GALNT13: variants seen among roughly 807,000 people sequenced by gnomAD.
The protein encoded by GALNT13 is UDP-GalNAc:polypeptide N-acetylgalactosaminyltransferase 13.
In GALNT13, 28 loss-of-function variants were observed where a neutral mutation model predicts 64.2. The ratio of observed to expected loss-of-function variants is 0.44; its 90% CI spans 0.32 to 0.60. The LOEUF is 0.60. GALNT13 is among the 20% of genes least tolerant of loss of function. The pLI, the probability that GALNT13 is intolerant of heterozygous loss-of-function variation, is 0.05. For synonymous variants in GALNT13, 214 were observed against 224.6 expected (o/e 0.95, Z 0.42); for missense variants, 577 against 669.8 (o/e 0.86, Z 1.53).
At chr2:154,072,605 G>T (rs2105393229) in intron 3 of GALNT13, among the ~76,000 whole-genome samples, 1 of 151,994 alleles carries the variant, frequency 6.6e-6, no homozygotes, top group African/African-American at 2.4e-5. Flanking sequence ...TTTACAGTGT[G>T]TCACCCAAAA....
chr2:154,079,321 G>A (rs957870729), intron 3 of GALNT13, among the ~76,000 whole-genome samples: 1 of 151,632 alleles, frequency 6.6e-6, no homozygotes, highest in Non-Finnish European at 1.5e-5. Flanking sequence ...AAAACAATAT[G>A]AAGATAAATA....
the GALNT13 span, among the ~76,000 whole-genome samples, chr2:153,788,820 A>T: frequency 6.6e-6 from 1 of 152,116 alleles, no homozygotes; most frequent in Non-Finnish European, 1.5e-5. Flanking sequence ...GACAAAACAG[A>T]CTTTAAACTA....
chr2:153,681,509 A>T, the GALNT13 span, among the ~76,000 whole-genome samples: 1 of 151,722 alleles, frequency 6.6e-6, no homozygotes, highest in South Asian at 2.1e-4. Context: ...TTATCTCCCC[A>T]CTCTCTATCA....
the GALNT13 span, among the ~76,000 whole-genome samples, chr2:153,258,369 A>AAAAAC: frequency 0.012 from 1,826 of 147,130 alleles, 18 homozygotes; most frequent in East Asian, 0.026. Context: ...CTGGTCTCCC[A>AAAAAC]AAAACAAAAC....
rs745347621 is a variant in GALNT13 at position 153,958,670 on chromosome 2, T to G, written c.142+14031T>G. On this transcript the variant is annotated intron_variant, in intron 3 of 12. Coordinates refer to ENST00000392825, the MANE Select transcript of GALNT13 (RefSeq NM_052917.4). ...CTAAGTTTAGTAAATGCCAAGTTGC[T>G]TTTTCCCTTTTACATTCCCACTTTT... is the stretch of plus-strand genomic sequence containing the variant. 2.0e-5 allele frequency among the ~76,000 whole-genome samples: 3 copies of G among 152,140 alleles called. No homozygotes were observed. The East Asian group carries it at 5.8e-4, about 29-fold the overall frequency.
intron 3 of GALNT13, among the ~76,000 whole-genome samples, chr2:153,983,418 T>C (rs1694599932): frequency 6.6e-6 from 1 of 151,908 alleles, no homozygotes; most frequent in Admixed American, 6.6e-5. Context: ...TTATAAACTC[T>C]TTAAGTATTA....
chr2:154,271,662 G>C (rs762569355), intron 8 of GALNT13, among the ~76,000 whole-genome samples: 1 of 151,840 alleles, frequency 6.6e-6, no homozygotes, highest in Non-Finnish European at 1.5e-5. Flanking sequence ...AGCATATACT[G>C]TATTGGTAAA....
At chr2:153,535,269 G>A in the GALNT13 span, among the ~76,000 whole-genome samples, 1 of 152,168 alleles carries the variant, frequency 6.6e-6, no homozygotes, top group East Asian at 1.9e-4. Flanking sequence ...AGGTATAAAA[G>A]GTCTAAGAAT....
At chr2:153,181,941 A>G in the GALNT13 span, among the ~76,000 whole-genome samples, 1 of 149,622 alleles carries the variant, frequency 6.7e-6, no homozygotes, top group Non-Finnish European at 1.5e-5. Flanking sequence ...ATAATATACA[A>G]ATGGTAATTT....
rs143403482 is a variant in GALNT13 at position 154,014,455 on chromosome 2, G to C, written c.142+69816G>C. 6.4e-3 allele frequency among the ~76,000 whole-genome samples: 975 copies of C among 151,794 alleles called. 8 individuals carry two copies. The highest frequency in any genetic ancestry group is 0.022 in the African/African-American group (902 of 41,342). ...GGATTTCCAGATTCCTCCCGCTTCAGTCCAGTATCTTCATCCTCCTTCCGT... is the reference window on the plus strand; with the variant it reads ...GGATTTCCAGATTCCTCCCGCTTCACTCCAGTATCTTCATCCTCCTTCCGT... On this transcript the variant is annotated intron_variant, in intron 3 of 12. Coordinates refer to ENST00000392825, the MANE Select transcript of GALNT13 (RefSeq NM_052917.4).
intron 3 of GALNT13, among the ~76,000 whole-genome samples, chr2:154,008,730 A>G (rs1221901718): frequency 6.6e-6 from 1 of 152,174 alleles, no homozygotes. Context: ...AATGGCCTCT[A>G]GTTCCATCCA....
chr2:153,544,939 G>A, the GALNT13 span, among the ~76,000 whole-genome samples: 2 of 152,192 alleles, frequency 1.3e-5, no homozygotes, highest in African/African-American at 2.4e-5. Flanking sequence ...TCTTCCAACA[G>A]CTTAAGAGCA....
intron 9 of GALNT13, among the ~76,000 whole-genome samples, chr2:154,320,668 C>T (rs1307987959): frequency 6.6e-6 from 1 of 152,154 alleles, no homozygotes; most frequent in Admixed American, 6.5e-5. Flanking sequence ...CTGACCTTCT[C>T]CATTCTCACA....
At chr2:153,479,733 T>G in the GALNT13 span, among the ~76,000 whole-genome samples, 1 of 152,334 alleles carries the variant, frequency 6.6e-6, no homozygotes, top group African/African-American at 2.4e-5. Context: ...TTCCATAAGC[T>G]GATGTATTTC....
At chr2:153,851,152 A>G in the GALNT13 span, among the ~76,000 whole-genome samples, 1 of 152,202 alleles carries the variant, frequency 6.6e-6, no homozygotes, top group Non-Finnish European at 1.5e-5. Context: ...TCTCAAATGT[A>G]TCTAGAAAAA....
the GALNT13 span, among the ~76,000 whole-genome samples, chr2:153,592,677 C>T: frequency 6.6e-6 from 1 of 152,144 alleles, no homozygotes. Flanking sequence ...GAATTATAGA[C>T]AATGGATAAG....
intron 8 of GALNT13, among the ~76,000 whole-genome samples, chr2:154,300,393 G>A (rs948271166): frequency 3.3e-5 from 5 of 151,946 alleles, no homozygotes; most frequent in African/African-American, 9.7e-5. Flanking sequence ...GTGAGCCACC[G>A]CACCTGGCCA....
the GALNT13 span, among the ~76,000 whole-genome samples, chr2:153,535,378 A>G: frequency 0.55 from 80,510 of 145,222 alleles, 24,047 homozygotes; most frequent in African/African-American, 0.83. Flanking sequence ...TAAGAGTGGC[A>G]GTTTGGGGAT....
At chr2:153,072,411 C>T in the GALNT13 span, among the ~76,000 whole-genome samples, 5 of 152,264 alleles carry the variant, frequency 3.3e-5, no homozygotes, top group East Asian at 1.9e-4. Context: ...GATCATTCTT[C>T]CTCCAAAAGG....
Sources: gnomAD v4.1 joint callset for allele counts (sites outside exome capture counted in the v4.1 genomes callset) on GRCh38, gnomAD v4.1.1 for gene constraint, MANE v1.5 for transcripts, NCBI Gene and HGNC (gene_info 2026-07-23, HGNC 2026-07-21) for gene names.